MTCL2: variants seen among roughly 807,000 people sequenced by gnomAD.
MTCL2 encodes the protein microtubule crosslinking factor 2.
At chr20:36,816,004 C>T in the MTCL2 span, 3 of 1,613,660 alleles carry the variant, frequency 1.9e-6, no homozygotes, top group Non-Finnish European at 1.7e-6. Context: ...TCCTTCATGT[C>T]GTCCATCTCA....
chr20:36,809,763 GC>G, the MTCL2 span, among the ~76,000 whole-genome samples: 5 of 151,948 alleles, frequency 3.3e-5, no homozygotes, highest in African/African-American at 1.2e-4. Context: ...TTTAGTAGAG[GC>G]GGGGTTTCCA....
chr20:36,788,498 C>T, the MTCL2 span, among the ~76,000 whole-genome samples: 703 of 152,030 alleles, frequency 4.6e-3, 8 homozygotes, highest in African/African-American at 0.016. Flanking sequence ...ATTAGCCGGG[C>T]GCGGTGGCAG....
At chr20:36,850,032 G>A in the MTCL2 span, among the ~76,000 whole-genome samples, 70 of 152,130 alleles carry the variant, frequency 4.6e-4, no homozygotes, top group Admixed American at 2.4e-3. Context: ...CTTCCAGAGC[G>A]GAAGTCCCTC....
chr20:36,792,857 TAGACAGACAGACAGACAGAC>T, the MTCL2 span, among the ~76,000 whole-genome samples: 3 of 137,598 alleles, frequency 2.2e-5, no homozygotes, highest in Admixed American at 7.0e-5. Context: ...GATAGATAGA[TAGACAGACAGACAGACAGAC>T]AGACAGACAG....
the MTCL2 span, among the ~76,000 whole-genome samples, chr20:36,857,216 TGTCA>T: frequency 1.3e-5 from 2 of 152,176 alleles, no homozygotes; most frequent in Non-Finnish European, 2.9e-5. Context: ...GTCTGCAGGA[TGTCA>T]GTCTGTCTCT....
the MTCL2 span, chr20:36,815,239 G>A: frequency 1.2e-5 from 19 of 1,613,900 alleles, no homozygotes; most frequent in Admixed American, 1.7e-5. This position sits in a 1 kb window ranked among gnomAD's most constrained non-coding sequence, Gnocchi z 5.3. Flanking sequence ...GAGCACCCGA[G>A]GACTGCATCT....
At chr20:36,813,462 G>A in the MTCL2 span, among the ~76,000 whole-genome samples, 2 of 151,764 alleles carry the variant, frequency 1.3e-5, no homozygotes, top group African/African-American at 2.4e-5. Flanking sequence ...AGAAGGGCAC[G>A]ATGGCTCACA....
chr20:36,798,983 T>C, the MTCL2 span, among the ~76,000 whole-genome samples: 1 of 152,178 alleles, frequency 6.6e-6, no homozygotes, highest in Non-Finnish European at 1.5e-5. Context: ...TTGGTCACCT[T>C]ACTTGTACTT....
At chr20:36,790,241 T>C in the MTCL2 span, among the ~76,000 whole-genome samples, 1 of 151,796 alleles carries the variant, frequency 6.6e-6, no homozygotes, top group Non-Finnish European at 1.5e-5. Flanking sequence ...TCCACCCACC[T>C]CAGCCTCCCA....
At chr20:36,793,670 G>A in the MTCL2 span, 1 of 1,550,052 alleles carries the variant, frequency 6.5e-7, no homozygotes, top group Non-Finnish European at 8.7e-7. This position sits in a 1 kb window ranked among gnomAD's most constrained non-coding sequence, Gnocchi z 6.8. Context: ...GGCCCAGGCC[G>A]AGCCGTTCTG....
chr20:36,809,644 C>T, the MTCL2 span, among the ~76,000 whole-genome samples: 2 of 148,980 alleles, frequency 1.3e-5, no homozygotes, highest in Non-Finnish European at 1.5e-5. Flanking sequence ...GGGATGATCT[C>T]GGCTCACTGT....
At chr20:36,828,094 G>C in the MTCL2 span, among the ~76,000 whole-genome samples, 1 of 152,352 alleles carries the variant, frequency 6.6e-6, no homozygotes, top group Non-Finnish European at 1.5e-5. Context: ...AGGAAGGCAG[G>C]CAGCGCCTGC....
chr20:36,794,784 C>A, the MTCL2 span: 1 of 678,322 alleles, frequency 1.5e-6, no homozygotes, highest in Non-Finnish European at 2.4e-6. The surrounding 1 kb of genome is among the most constrained non-coding windows in gnomAD (Gnocchi z 5.4). Context: ...TTTTTTTTTT[C>A]TCCCAAACAG....
chr20:36,786,761 A>C, the MTCL2 span: 3 of 950,448 alleles, frequency 3.2e-6, no homozygotes, highest in Non-Finnish European at 4.6e-6. Flanking sequence ...CCAGGGGCTG[A>C]AGCTCCTCAC....
chr20:36,808,459 T>C, the MTCL2 span: 2 of 1,480,308 alleles, frequency 1.4e-6, no homozygotes, highest in Non-Finnish European at 1.8e-6. Flanking sequence ...GTCCCTTCCC[T>C]GTCCCTCTCT....
At chr20:36,798,994 G>A in the MTCL2 span, among the ~76,000 whole-genome samples, 1 of 152,162 alleles carries the variant, frequency 6.6e-6, no homozygotes, top group African/African-American at 2.4e-5. Context: ...ACTTGTACTT[G>A]AATTCATGTC....
the MTCL2 span, among the ~76,000 whole-genome samples, chr20:36,791,909 C>T: frequency 6.6e-6 from 1 of 152,056 alleles, no homozygotes; most frequent in Non-Finnish European, 1.5e-5. Context: ...CATTTCCTTC[C>T]CTTTCTGCAA....
chr20:36,781,005 CAAGAGT>C, the MTCL2 span: 8 of 152,138 alleles, frequency 5.3e-5, no homozygotes, highest in Non-Finnish European at 1.2e-4. Context: ...TCAGGAAACT[CAAGAGT>C]AAAACTTAAT....
the MTCL2 span, chr20:36,783,026 A>C: frequency 1.3e-5 from 2 of 151,644 alleles, no homozygotes; most frequent in Non-Finnish European, 2.9e-5. Context: ...GCCAGAGGAG[A>C]AGAGGCTGGG....
Sources: gnomAD v4.1 joint callset for allele counts (sites outside exome capture counted in the v4.1 genomes callset) on GRCh38, gnomAD v4.1.1 for gene constraint, Gnocchi (gnomAD v3.1) non-coding constraint, MANE v1.5 for transcripts, NCBI Gene and HGNC (gene_info 2026-07-23, HGNC 2026-07-21) for gene names.